Variants in WWOX observed in about 807,000 individuals in gnomAD.
WWOX encodes WW domain-containing oxidoreductase.
In WWOX, 69 loss-of-function variants were observed where a neutral mutation model predicts 46.2. The observed-to-expected ratio is 1.49, with a 90% CI of 1.23 to 1.82. The LOEUF (loss-of-function observed/expected upper bound fraction) is 1.82, where lower values mean the gene tolerates loss of function less well. WWOX is among the 40% of genes most tolerant of loss of function. The pLI, the probability that WWOX is intolerant of heterozygous loss-of-function variation, is 0.00. For synonymous variants in WWOX, 359 were observed against 202.6 expected (o/e 1.77, Z -6.56); for missense variants, 919 against 542.6 (o/e 1.69, Z -6.89).
intron 8 of WWOX, among the ~76,000 whole-genome samples, chr16:78,695,976 C>T (rs943444122): frequency 6.6e-6 from 1 of 152,106 alleles, no homozygotes; most frequent in African/African-American, 2.4e-5. Context: ...TGGGCCCCGC[C>T]CCAGACCTCC....
chr16:78,737,920 A>T (rs947431352), intron 8 of WWOX, among the ~76,000 whole-genome samples: 117 of 152,086 alleles, frequency 7.7e-4, no homozygotes, highest in African/African-American at 2.7e-3. Context: ...ATTTCCCTAT[A>T]TCAGTATTTA....
intron 8 of WWOX, among the ~76,000 whole-genome samples, chr16:78,618,848 G>T (rs1458126064): frequency 6.6e-6 from 1 of 151,750 alleles, no homozygotes; most frequent in Non-Finnish European, 1.5e-5. Context: ...AGACCCAGCT[G>T]ACAGGCTATA....
chr16:79,122,376 A>G (rs969880334), intron 8 of WWOX, among the ~76,000 whole-genome samples: 2 of 152,224 alleles, frequency 1.3e-5, no homozygotes, highest in Non-Finnish European at 2.9e-5. Context: ...TAAAAGCCGC[A>G]CAAAATCCTC....
At chr16:78,917,285 A>G (rs547226935) in intron 8 of WWOX, among the ~76,000 whole-genome samples, 9 of 152,288 alleles carry the variant, frequency 5.9e-5, no homozygotes, top group African/African-American at 2.2e-4. Flanking sequence ...CCCTAACTCA[A>G]ATCAGAATTT....
chr16:79,016,787 CCTT>C (rs1174447118), intron 8 of WWOX: 1 of 152,214 alleles, frequency 6.6e-6, no homozygotes, highest in Non-Finnish European at 1.5e-5. Flanking sequence ...CCCACCCAGT[CCTT>C]CTTAGAAGAT....
intron 8 of WWOX, among the ~76,000 whole-genome samples, chr16:78,474,522 A>G (rs960888611): frequency 1.3e-5 from 2 of 152,198 alleles, no homozygotes; most frequent in Non-Finnish European, 2.9e-5. Flanking sequence ...GCTTTTCTTT[A>G]AAGCTGCTGT....
chr16:78,239,505 T>C (rs2037557714), intron 5 of WWOX, among the ~76,000 whole-genome samples: 1 of 152,186 alleles, frequency 6.6e-6, no homozygotes, highest in Non-Finnish European at 1.5e-5. Flanking sequence ...CCCTCTGTTC[T>C]TGCTTAGGCA....
chr16:78,202,995 C>A (rs934969505), intron 5 of WWOX, among the ~76,000 whole-genome samples: 7 of 152,032 alleles, frequency 4.6e-5, no homozygotes, highest in Admixed American at 1.3e-4. Flanking sequence ...AGGCTGTCTG[C>A]CAACTATGGA....
intron 5 of WWOX, among the ~76,000 whole-genome samples, chr16:78,314,891 C>T (rs1380434871): frequency 6.6e-6 from 1 of 151,832 alleles, no homozygotes; most frequent in Non-Finnish European, 1.5e-5. Context: ...CTCAGTTTTT[C>T]CAGCAACCTT....
intron 8 of WWOX, among the ~76,000 whole-genome samples, chr16:79,150,210 C>G (rs957261067): frequency 6.6e-6 from 1 of 152,160 alleles, no homozygotes; most frequent in Admixed American, 6.5e-5. Flanking sequence ...GATCCTTTCC[C>G]AAACCATAGA....
At chr16:78,834,480 C>T (rs1043359744) in intron 8 of WWOX, among the ~76,000 whole-genome samples, 11 of 152,060 alleles carry the variant, frequency 7.2e-5, no homozygotes, top group Non-Finnish European at 1.2e-4. Context: ...GGTTGCCATC[C>T]AAAGAAACAT....
chr16:78,910,536 G>A (rs1358902444), intron 8 of WWOX, among the ~76,000 whole-genome samples: 1 of 150,348 alleles, frequency 6.7e-6, no homozygotes, highest in African/African-American at 2.4e-5. Flanking sequence ...TAAGGATGCT[G>A]TATGAGTCTT....
intron 8 of WWOX, among the ~76,000 whole-genome samples, chr16:78,564,136 G>C (rs1301697596): frequency 6.6e-6 from 1 of 152,208 alleles, no homozygotes; most frequent in East Asian, 1.9e-4. Flanking sequence ...CACCTGCCCA[G>C]CTGAGCCCAG....
At chr16:78,236,843 G>A (rs1033656935) in intron 5 of WWOX, among the ~76,000 whole-genome samples, 15 of 152,070 alleles carry the variant, frequency 9.9e-5, no homozygotes, top group African/African-American at 3.6e-4. Context: ...TTGGGAGGCC[G>A]AGATGGGAGG....
intron 8 of WWOX, among the ~76,000 whole-genome samples, chr16:79,131,404 C>T (rs868334968): frequency 3.3e-5 from 5 of 151,504 alleles, no homozygotes; most frequent in Non-Finnish European, 4.4e-5. Context: ...CCTCCTGATT[C>T]GGAGGGAAAA....
intron 8 of WWOX, among the ~76,000 whole-genome samples, chr16:78,983,005 T>C (rs1196093737): frequency 2.6e-5 from 4 of 152,146 alleles, no homozygotes; most frequent in African/African-American, 9.7e-5. Flanking sequence ...TTGGCTGCAG[T>C]GTAATATATT....
chr16:78,722,062 T>C (rs2048705231), intron 8 of WWOX, among the ~76,000 whole-genome samples: 1 of 152,228 alleles, frequency 6.6e-6, no homozygotes, highest in Non-Finnish European at 1.5e-5. Flanking sequence ...ATCAAGAAGC[T>C]AAGACTTTGT....
At chr16:78,594,429 G>GCCTCCCCCCCCCCCCCCCCCCC (rs1171391505) in intron 8 of WWOX, among the ~76,000 whole-genome samples, 3 of 32,380 alleles carry the variant, frequency 9.3e-5, no homozygotes, top group African/African-American at 1.4e-4. Context: ...CTGAGGAAAG[G>GCCTCCCCCCCCCCCCCCCCCCC]CCCCCCCCCC....
At chr16:78,105,352 C>G (rs900404629) in intron 1 of WWOX, among the ~76,000 whole-genome samples, 2 of 151,976 alleles carry the variant, frequency 1.3e-5, no homozygotes, top group Admixed American at 1.3e-4. Flanking sequence ...ATCCTAGCTA[C>G]TCAGGCTGAG....
Sources: gnomAD v4.1 joint callset for allele counts (sites outside exome capture counted in the v4.1 genomes callset) on GRCh38, gnomAD v4.1.1 for gene constraint, MANE v1.5 for transcripts, NCBI Gene and HGNC (gene_info 2026-07-23, HGNC 2026-07-21) for gene names.